RLIM: variants seen among roughly 807,000 people sequenced by gnomAD.
The protein encoded by RLIM is ring finger protein, LIM domain interacting.
In RLIM, 2 loss-of-function variants were observed where a neutral mutation model predicts 34.0. The observed-to-expected ratio is 0.06, with a 90% CI of 0.02 to 0.19. The LOEUF (loss-of-function observed/expected upper bound fraction) is 0.19, where lower values mean the gene tolerates loss of function less well. Among genes scored for constraint, RLIM ranks in the 10% least tolerant of loss-of-function variants. The probability of loss-of-function intolerance (pLI) is 1.00; values close to 1 mark genes in which losing one functional copy is unlikely to be tolerated. For synonymous variants in RLIM, 169 were observed against 164.0 expected, an observed-to-expected ratio of 1.03 and a Z score of -0.23; for missense variants, 286 against 479.7, an observed-to-expected ratio of 0.60 and a Z score of 3.77.
chrX:74,596,032 TA>T, intron 1 of RLIM, 32 bp from the exon 2 acceptor site: 2 of 917,376 alleles, frequency 2.2e-6, no homozygotes, highest in Non-Finnish European at 3.0e-6. Flanking sequence ...ATCTTGAAAA[TA>T]AAGGTCACTA....
At chrX:74,597,500 T>C (rs1012780638) in intron 1 of RLIM, among the ~76,000 whole-genome samples, 1 of 111,691 alleles carries the variant, frequency 9.0e-6, no homozygotes. Context: ...GAAATAATCA[T>C]AGGTGAGAAT....
At chrX:74,613,512 A>G (rs1414214082) in intron 1 of RLIM, among the ~76,000 whole-genome samples, 1 of 110,820 alleles carries the variant, frequency 9.0e-6, no homozygotes, top group African/African-American at 3.3e-5. Flanking sequence ...TCCATCTTGA[A>G]ATTAATCAGC....
Position 74,592,907 on chromosome X carries a change from T to C in RLIM, c.408A>G (p.Arg136=). Residue 136 remains arginine, a synonymous_variant, in exon 4 of 4, where the codon AGA becomes AGG. Coordinates refer to ENST00000332687, the MANE Select transcript of RLIM (RefSeq NM_016120.4). ...GGTTAACATTTATCTCTAAACTGAA[T>C]CTGAAATCACCACTGTTTGGATTAG... is the stretch of plus-strand genomic sequence containing the variant. ...SRTNPNSGDF[R]FSLEINVNRN... is the part of the protein sequence containing the mutation. The C allele has an allele frequency of 8.3e-7, 1 of 1,211,796 alleles. No individual in the cohort carries two copies.
At chrX:74,607,696 G>A (rs757383510) in intron 1 of RLIM, among the ~76,000 whole-genome samples, 1 of 112,416 alleles carries the variant, frequency 8.9e-6, no homozygotes, top group African/African-American at 3.2e-5. Context: ...GTGACAGAGC[G>A]AGACTCCGTC....
At chrX:74,599,543 A>G (rs957338164) in intron 1 of RLIM, among the ~76,000 whole-genome samples, 1 of 111,557 alleles carries the variant, frequency 9.0e-6, no homozygotes, top group African/African-American at 3.3e-5. Context: ...GCCTTTGGTC[A>G]TAAGGGTGGG....
chrX:74,595,806 T>A lies in RLIM; in HGVS notation c.169+3A>T, dbSNP rs749453050. 2 of 1,188,531 alleles carry A rather than the reference T, an allele frequency of 1.7e-6. No individual in the cohort carries two copies. The highest frequency in any genetic ancestry group is 4.5e-5 in the Admixed American group (2 of 43,972). On this transcript the variant is annotated splice_donor_region_variant and intron_variant, in intron 2 of 3. Transcript: ENST00000332687. ...ATAAATCCTTAAATATATGTAAGCA[T>A]ACCTGGGGTGCCTAGCAAATTGTTA...
At chrX:74,602,762 A>T (rs1389292170) in intron 1 of RLIM, among the ~76,000 whole-genome samples, 1 of 110,631 alleles carries the variant, frequency 9.0e-6, no homozygotes, top group Non-Finnish European at 1.9e-5. Context: ...AGTAAGTGAA[A>T]CACGAGTGAG....
In RLIM at chrX:74,585,841, C is replaced by CT. The variant is rs955993064; in HGVS notation, c.*5598dup. 1.8e-5 allele frequency: 2 copies of CT among 112,059 alleles called. No homozygotes were observed. The highest frequency in any genetic ancestry group is 3.8e-5 in the Non-Finnish European group (2 of 53,269). 9.2% of individuals were successfully genotyped at this position (112,059 alleles called of 1,213,427 possible). On this transcript the variant is annotated 3_prime_UTR_variant, in exon 4 of 4. Coordinates refer to ENST00000332687, the MANE Select transcript of RLIM (RefSeq NM_016120.4). The stretch of plus-strand genomic sequence containing the variant: ...TAACTTCACTTTGTGCTCCTCTCTG[C>CT]TTTTTTGAGTCTCTCCCGAAGGTCA...
At position 74,583,785 on chromosome X, in the gene RLIM, C is replaced by T. The variant is rs1931278775; in HGVS notation, c.*7655G>A. ...ATTTGCGGCCGGGCGTGGTGGCTCACGCCTGTAATACCACCACTGTGGGAG... is the reference window on the plus strand; with the variant it reads ...ATTTGCGGCCGGGCGTGGTGGCTCATGCCTGTAATACCACCACTGTGGGAG... On this transcript the variant is annotated 3_prime_UTR_variant, in exon 4 of 4. Transcript: ENST00000332687. Among the ~76,000 whole-genome samples, 1 of 111,938 alleles carries T rather than the reference C, an allele frequency of 8.9e-6. No individual in the cohort carries two copies. Among genetic ancestry groups the T allele is most frequent in the Non-Finnish European group, 1.9e-5 (1 of 53,228 alleles).
At chrX:74,595,537 A>G (rs1279973077) in intron 2 of RLIM, among the ~76,000 whole-genome samples, 1 of 111,888 alleles carries the variant, frequency 8.9e-6, no homozygotes, top group African/African-American at 3.2e-5. Context: ...AGATAAAGCT[A>G]ACTAAGAAAA....
At chrX:74,601,787 C>A (rs962811996) in intron 1 of RLIM, among the ~76,000 whole-genome samples, 1 of 111,461 alleles carries the variant, frequency 9.0e-6, no homozygotes, top group Admixed American at 9.5e-5. Flanking sequence ...GAAATATAGA[C>A]CAGTGTAATA....
chrX:74,600,339 T>C (rs1009201579), intron 1 of RLIM, among the ~76,000 whole-genome samples: 1 of 111,013 alleles, frequency 9.0e-6, no homozygotes, highest in African/African-American at 3.3e-5. Flanking sequence ...AAGCCAAGTT[T>C]TCCCACATGA....
chrX:74,594,541 G>C, intron 2 of RLIM, 152 bp from the exon 3 acceptor site: 1 of 370,300 alleles, frequency 2.7e-6, no homozygotes, highest in Non-Finnish European at 4.6e-6. Flanking sequence ...GAAAAACCAA[G>C]GAGTAGGTAG....
chrX:74,595,079 G>A (rs1245223402), intron 2 of RLIM, among the ~76,000 whole-genome samples: 2 of 110,690 alleles, frequency 1.8e-5, no homozygotes, highest in Non-Finnish European at 3.8e-5. Context: ...TTGCAGCTTT[G>A]AGAGGAGGAT....
chrX:74,605,070 C>T (rs5981288), intron 1 of RLIM, among the ~76,000 whole-genome samples: 6,033 of 110,980 alleles, frequency 0.054, 222 homozygotes, highest in African/African-American at 0.13. Flanking sequence ...CACTCCCTCC[C>T]TTATAAGGGA....
intron 1 of RLIM, among the ~76,000 whole-genome samples, chrX:74,604,452 A>G: frequency 9.0e-6 from 1 of 111,121 alleles, no homozygotes; most frequent in Non-Finnish European, 1.9e-5. Flanking sequence ...TAAGATAGAG[A>G]AATCCCAAAT....
rs1484803789 is a variant in RLIM at position 74,585,659 on chromosome X, T to C, written c.*5781A>G. ...CTTTAAACAAGTTAACTTTTAGCAG[T>C]TGTAAAGCACTGTACAAAAGAAAAC... On this transcript the variant is annotated 3_prime_UTR_variant, in exon 4 of 4. Transcript: ENST00000332687. 8.9e-6 allele frequency: 1 copy of C among 112,328 alleles called. No homozygotes were observed. The highest frequency in any genetic ancestry group is 1.9e-5 in the Non-Finnish European group (1 of 53,328). 9.3% of individuals were successfully genotyped at this position (112,328 alleles called of 1,213,427 possible). A position where few individuals can be genotyped will look rare whatever the true frequency, so the allele number is the denominator to read the frequency against.
At chrX:74,603,664 TTAG>T in intron 1 of RLIM, among the ~76,000 whole-genome samples, 1 of 111,909 alleles carries the variant, frequency 8.9e-6, no homozygotes, top group Middle Eastern at 4.6e-3. Flanking sequence ...TTCATTTCCC[TTAG>T]TAATCTCTCT....
chrX:74,600,165 G>A (rs1395655726), intron 1 of RLIM, among the ~76,000 whole-genome samples: 1 of 110,878 alleles, frequency 9.0e-6, no homozygotes. Context: ...AACTGAGATT[G>A]CTTAACTGTA....
Sources: gnomAD v4.1 joint callset for allele counts (sites outside exome capture counted in the v4.1 genomes callset) on GRCh38, gnomAD v4.1.1 for gene constraint, MANE v1.5 for transcripts, NCBI Gene and HGNC (gene_info 2026-07-23, HGNC 2026-07-21) for gene names.